The following CAPS2 variants were observed in gnomAD, a reference collection of about 807,000 sequenced individuals.
CAPS2 encodes calcyphosine 2.
In CAPS2, 98 loss-of-function variants were observed where a neutral mutation model predicts 86.5. The ratio of observed to expected loss-of-function variants is 1.13; its 90% CI spans 0.96 to 1.34. The LOEUF (loss-of-function observed/expected upper bound fraction) is 1.34, where lower values mean the gene tolerates loss of function less well. Among genes scored for constraint, CAPS2 ranks in the 40% most tolerant of loss-of-function variants. The probability of loss-of-function intolerance (pLI) is 0.00; values close to 1 mark genes in which losing one functional copy is unlikely to be tolerated. For missense variants in CAPS2, 729 were observed against 686.8 expected (o/e 1.06, Z -0.69); for synonymous variants, 210 against 225.1 (o/e 0.93, Z 0.60).
chr12:75,311,716 A>AAG (rs2039225810), intron 7 of CAPS2, among the ~76,000 whole-genome samples: 1 of 29,170 alleles, frequency 3.4e-5, no homozygotes, highest in Non-Finnish European at 8.2e-5. Context: ...AAAAAACAAA[A>AAG]AAAAAAACAA....
chr12:75,347,810 G>A (rs2042556780), intron 1 of CAPS2: 6 of 677,536 alleles, frequency 8.9e-6, no homozygotes, highest in Middle Eastern at 2.9e-4. Flanking sequence ...AGACACAAGT[G>A]TATTTTTGAT....
exon 17 of CAPS2, chr12:75,277,975 T>A (rs1345302633): frequency 2.3e-6 from 2 of 881,832 alleles, no homozygotes; most frequent in Non-Finnish European, 2.7e-6. Flanking sequence ...TAGAATATCA[T>A]ACATTCATTT....
At chr12:75,320,961 G>A (rs1160004699) in intron 5 of CAPS2, among the ~76,000 whole-genome samples, 9 of 151,836 alleles carry the variant, frequency 5.9e-5, no homozygotes, top group Non-Finnish European at 1.5e-5. Flanking sequence ...CCCATAATGA[G>A]ACAAAAGACA....
At chr12:75,314,336 GTTAT>G (rs2039536111) in intron 6 of CAPS2, among the ~76,000 whole-genome samples, 1 of 151,934 alleles carries the variant, frequency 6.6e-6, no homozygotes, top group Non-Finnish European at 1.5e-5. Context: ...CATAATGTAG[GTTAT>G]TTAACACTTT....
At chr12:75,378,441 TG>T (rs2044778651) in intron 1 of CAPS2, among the ~76,000 whole-genome samples, 1 of 150,122 alleles carries the variant, frequency 6.7e-6, no homozygotes, top group Admixed American at 6.6e-5. Context: ...AGAGGTGGAG[TG>T]GGAGAGGGAG....
At chr12:75,278,515 G>A (rs2033296756) in exon 17 of CAPS2, 4 of 990,144 alleles carry the variant, frequency 4.0e-6, no homozygotes, top group African/African-American at 1.7e-5. Flanking sequence ...GAAAGGACAG[G>A]AAACTTGGTT....
chr12:75,326,401 A>C lies in CAPS2; in HGVS notation c.81+17T>G, dbSNP rs565700137. On this transcript the variant is annotated intron_variant, in intron 1 of 16. Transcript: ENST00000393284. ...TAAGTCATCCTGAAAGAAGAAAATT[A>C]TATAGAGCTCACATACTTGTAGAGG... 8 of 1,062,816 alleles carry C rather than the reference A, an allele frequency of 7.5e-6. No individual in the cohort carries two copies. The South Asian group carries it at 1.0e-4, about 13-fold the overall frequency. The allele number at this position is 1,062,816 out of a possible 1,614,324, so 65.8% of individuals were successfully genotyped here. A position where few individuals can be genotyped will look rare whatever the true frequency, so the allele number is the denominator to read the frequency against.
chr12:75,308,132 C>T (rs1002165283), intron 7 of CAPS2, among the ~76,000 whole-genome samples: 2 of 152,168 alleles, frequency 1.3e-5, no homozygotes, highest in Admixed American at 1.3e-4. Flanking sequence ...AACTTTGTAA[C>T]TCCCTTCAGC....
chr12:75,373,072 G>A (rs2044461608), intron 1 of CAPS2, among the ~76,000 whole-genome samples: 1 of 152,192 alleles, frequency 6.6e-6, no homozygotes, highest in South Asian at 2.1e-4. Context: ...ACCACTCCAA[G>A]GAATGGTGCC....
At chr12:75,377,034 G>A (rs371387512) in intron 1 of CAPS2, among the ~76,000 whole-genome samples, 1 of 152,240 alleles carries the variant, frequency 6.6e-6, no homozygotes, top group African/African-American at 2.4e-5. Context: ...AAGGTATTAC[G>A]TATACAGTCA....
chr12:75,303,084 G>A (rs1401766007), intron 8 of CAPS2, among the ~76,000 whole-genome samples: 6 of 152,186 alleles, frequency 3.9e-5, no homozygotes, highest in African/African-American at 9.7e-5. Context: ...GAAGTTCATA[G>A]CAGCACTATT....
intron 12 of CAPS2, among the ~76,000 whole-genome samples, chr12:75,292,968 C>G (rs372138531): frequency 7.7e-4 from 117 of 151,094 alleles, no homozygotes; most frequent in Middle Eastern, 3.4e-3. Context: ...TTTGGTAATA[C>G]TTGGTAAAAT....
chr12:75,322,018 T>C (rs748414439), intron 4 of CAPS2, among the ~76,000 whole-genome samples: 1 of 152,144 alleles, frequency 6.6e-6, no homozygotes, highest in Non-Finnish European at 1.5e-5. Flanking sequence ...TTCTATCTAT[T>C]TGCAAACATG....
At chr12:75,279,017 T>G (rs1256847649) in exon 17 of CAPS2, 1 of 1,609,154 alleles carries the variant, frequency 6.2e-7, no homozygotes, top group Non-Finnish European at 8.5e-7. Flanking sequence ...GCAGGCAACT[T>G]TTAATGTTTC....
At chr12:75,311,699 GGAAAAAAAAAAACAAAAAAAAAAACA>G (rs1481639373) in intron 7 of CAPS2, among the ~76,000 whole-genome samples, 919 of 17,016 alleles carry the variant, frequency 0.054, 15 homozygotes, top group African/African-American at 0.1. Context: ...AAGCCATGCA[GGAAAAAAAAAAACAAAAAAAAAAACA>G]AAAAAAAAAA....
At chr12:75,356,865 A>G (rs1216454973) in intron 1 of CAPS2, among the ~76,000 whole-genome samples, 1 of 152,138 alleles carries the variant, frequency 6.6e-6, no homozygotes, top group Non-Finnish European at 1.5e-5. Context: ...AAAAGAATGG[A>G]AAAAAGTTTA....
In CAPS2 at chr12:75,317,189, C is replaced by T. The variant is rs112755166; in HGVS notation, c.469-755G>A. Among the ~76,000 whole-genome samples the T allele has an allele frequency of 5.0e-3, 755 of 152,144 alleles. 5 individuals are homozygous for T. Among genetic ancestry groups the T allele is most frequent in the Admixed American group, 9.9e-3 (151 of 15,264 alleles). ...ATGTAAGTTCCATGAAAGCAGGAAC[C>T]TTGTCTGTCATTTTTATTGCTGTAT... On this transcript the variant is annotated intron_variant, in intron 5 of 16. Transcript: ENST00000393284.
At chr12:75,370,363 A>T in intron 1 of CAPS2, 1 of 461,000 alleles carries the variant, frequency 2.2e-6, no homozygotes, top group Non-Finnish European at 3.9e-6. Flanking sequence ...AGTAGAATAA[A>T]GTCTTAAGAT....
intron 1 of CAPS2, among the ~76,000 whole-genome samples, chr12:75,345,149 C>G (rs1356211233): frequency 6.6e-6 from 1 of 152,094 alleles, no homozygotes; most frequent in Non-Finnish European, 1.5e-5. Flanking sequence ...TGTCCATGGT[C>G]TCCCCAAGAC....
Sources: gnomAD v4.1 joint callset for allele counts (sites outside exome capture counted in the v4.1 genomes callset) on GRCh38, gnomAD v4.1.1 for gene constraint, MANE v1.5 for transcripts, NCBI Gene and HGNC (gene_info 2026-07-23, HGNC 2026-07-21) for gene names.